Variants in LIN7A observed in about 807,000 individuals in gnomAD.
LIN7A encodes the protein lin-7 cell polarity scaffold A, also known as protein lin-7 homolog A.
In LIN7A, 25 loss-of-function variants were observed where a neutral mutation model predicts 29.8. The observed-to-expected ratio is 0.84, with a 90% CI of 0.61 to 1.17. The LOEUF (loss-of-function observed/expected upper bound fraction) is 1.17. Ranked by LOEUF, LIN7A falls within the 50% of genes most tolerant of loss-of-function variation. LIN7A has a pLI of 0.00. For missense variants in LIN7A, 239 were observed against 287.0 expected (o/e 0.83, Z 1.21); for synonymous variants, 118 against 107.5 (o/e 1.10, Z -0.60).
At chr12:80,813,790 C>T (rs558060612) in intron 4 of LIN7A, among the ~76,000 whole-genome samples, 2 of 152,122 alleles carry the variant, frequency 1.3e-5, no homozygotes, top group African/African-American at 2.4e-5. Context: ...CTGAGCGGAT[C>T]ACCAGGGCAG....
At chr12:80,913,263 A>G (rs781611012) in intron 1 of LIN7A, among the ~76,000 whole-genome samples, 1 of 152,232 alleles carries the variant, frequency 6.6e-6, no homozygotes, top group African/African-American at 2.4e-5. Context: ...TAATACAACA[A>G]AGGACATATT....
intron 1 of LIN7A, among the ~76,000 whole-genome samples, chr12:80,908,813 T>C (rs1220314792): frequency 6.6e-6 from 1 of 152,064 alleles, no homozygotes; most frequent in East Asian, 1.9e-4. Flanking sequence ...TATACAAATC[T>C]TTTATTCGTT....
chr12:80,914,779 G>T (rs911250078), intron 1 of LIN7A, among the ~76,000 whole-genome samples: 1 of 152,120 alleles, frequency 6.6e-6, no homozygotes, highest in Non-Finnish European at 1.5e-5. Flanking sequence ...TGTGGCTCAT[G>T]CCTGTAATCT....
At chr12:80,883,488 A>G (rs1285793831) in intron 2 of LIN7A, among the ~76,000 whole-genome samples, 1 of 152,206 alleles carries the variant, frequency 6.6e-6, no homozygotes, top group Non-Finnish European at 1.5e-5. Context: ...ATATAAATAT[A>G]CCAGTCTTGT....
In LIN7A at chr12:80,792,951, ATTTG is replaced by A. The variant is rs1217329157; in HGVS notation, c.*4772_*4775del. On this transcript the variant is annotated 3_prime_UTR_variant, in exon 6 of 6. Coordinates refer to ENST00000552864, the MANE Select transcript of LIN7A (RefSeq NM_004664.4). The stretch of plus-strand genomic sequence containing the variant: ...CCACCCTGTGTTTGCTACTGATGTG[ATTTG>A]TTTACCATGAATAATACTTTGTTAA... 1 of 152,106 alleles carries A rather than the reference ATTTG, an allele frequency of 6.6e-6. No homozygotes were observed. The allele number at this position is 152,106 out of a possible 1,614,324, so 9.4% of individuals were successfully genotyped here. A position where few individuals can be genotyped will look rare whatever the true frequency, so the allele number is the denominator to read the frequency against.
rs542293729 is a variant in LIN7A at position 80,930,715 on chromosome 12, C to T, written c.82+6926G>A. 9.8e-5 allele frequency among the ~76,000 whole-genome samples: 15 copies of T among 152,344 alleles called. No homozygotes were observed. In the South Asian group the frequency reaches 2.7e-3, roughly 27 times the overall value. On this transcript the variant is annotated intron_variant, in intron 1 of 5. Transcript: ENST00000552864. ...TCAAAACCAACACCTCACATTCTTT[C>T]TTGGCCCTTGAGAGCACTACACTTG...
intron 4 of LIN7A, among the ~76,000 whole-genome samples, chr12:80,842,812 T>C (rs2121547805): frequency 6.6e-6 from 1 of 152,268 alleles, no homozygotes; most frequent in Non-Finnish European, 1.5e-5. Context: ...GATGAACACC[T>C]GGTCAATATT....
chr12:80,850,375 A>G (rs890268919), intron 2 of LIN7A, among the ~76,000 whole-genome samples: 3 of 152,170 alleles, frequency 2.0e-5, no homozygotes, highest in Admixed American at 2.0e-4. Flanking sequence ...GTATGTTTCC[A>G]AAAGTTAGCT....
chr12:80,877,762 T>C (rs888702293), intron 2 of LIN7A, among the ~76,000 whole-genome samples: 1 of 152,166 alleles, frequency 6.6e-6, no homozygotes, highest in African/African-American at 2.4e-5. Flanking sequence ...TGTCTATTTG[T>C]AACTTAACAT....
At chr12:80,841,396 G>C (rs1000179531) in intron 4 of LIN7A, among the ~76,000 whole-genome samples, 8 of 149,712 alleles carry the variant, frequency 5.3e-5, no homozygotes, top group African/African-American at 1.3e-4. Flanking sequence ...AGGAAGGAAG[G>C]AAGGAAGGAA....
intron 1 of LIN7A, among the ~76,000 whole-genome samples, chr12:80,930,883 A>T (rs1877861205): frequency 6.6e-6 from 1 of 152,232 alleles, no homozygotes; most frequent in African/African-American, 2.4e-5. Flanking sequence ...TTGCTAAGCC[A>T]ATTTTATTCA....
chr12:80,836,686 A>G (rs529598320), intron 4 of LIN7A, among the ~76,000 whole-genome samples: 2 of 152,136 alleles, frequency 1.3e-5, no homozygotes, highest in African/African-American at 4.8e-5. Flanking sequence ...GTATATATAT[A>G]TATTTTAAAA....
At chr12:80,812,397 A>G (rs898914617) in intron 4 of LIN7A, among the ~76,000 whole-genome samples, 1 of 151,642 alleles carries the variant, frequency 6.6e-6, no homozygotes, top group African/African-American at 2.4e-5. Context: ...CCACAGGAAA[A>G]ATAACCACGA....
intron 2 of LIN7A, among the ~76,000 whole-genome samples, chr12:80,850,504 G>A (rs746475159): frequency 3.9e-5 from 6 of 152,234 alleles, no homozygotes; most frequent in Admixed American, 1.3e-4. Flanking sequence ...AATTGATCAA[G>A]GGCTGTAGTT....
At chr12:80,883,612 T>A (rs1199856088) in intron 2 of LIN7A, among the ~76,000 whole-genome samples, 1 of 152,216 alleles carries the variant, frequency 6.6e-6, no homozygotes, top group Non-Finnish European at 1.5e-5. Context: ...TACTCTTTAA[T>A]AATGATAAAA....
intron 1 of LIN7A, among the ~76,000 whole-genome samples, chr12:80,930,336 T>G (rs1487631135): frequency 6.6e-6 from 1 of 152,212 alleles, no homozygotes; most frequent in African/African-American, 2.4e-5. Context: ...AGTATATTAC[T>G]TAGCAAAATT....
At chr12:80,848,764 A>G (rs1336873627) in intron 2 of LIN7A, among the ~76,000 whole-genome samples, 1 of 152,214 alleles carries the variant, frequency 6.6e-6, no homozygotes, top group African/African-American at 2.4e-5. Flanking sequence ...ATGCATAGCA[A>G]TAAAAGTCCA....
intron 4 of LIN7A, among the ~76,000 whole-genome samples, chr12:80,835,069 C>A (rs1872544821): frequency 1.3e-5 from 2 of 152,008 alleles, no homozygotes; most frequent in Non-Finnish European, 2.9e-5. Flanking sequence ...TTTTTTGGAC[C>A]AGCACAGGAT....
intron 5 of LIN7A, among the ~76,000 whole-genome samples, chr12:80,806,944 A>G (rs1462401603): frequency 6.6e-6 from 1 of 152,176 alleles, no homozygotes; most frequent in Non-Finnish European, 1.5e-5. Context: ...TTTCATGTTC[A>G]CTTAAATCGA....
Sources: gnomAD v4.1 joint callset for allele counts (sites outside exome capture counted in the v4.1 genomes callset) on GRCh38, gnomAD v4.1.1 for gene constraint, MANE v1.5 for transcripts, NCBI Gene and HGNC (gene_info 2026-07-23, HGNC 2026-07-21) for gene names.